Variants in TNIK observed in about 807,000 individuals in gnomAD.
TNIK encodes TRAF2 and NCK interacting kinase.
In TNIK, 49 loss-of-function variants were observed where a neutral mutation model predicts 191.3. That is an observed-to-expected ratio of 0.26 (90% CI 0.20 to 0.32). TNIK has a LOEUF of 0.32. Ranked by LOEUF, TNIK falls within the 10% of genes least tolerant of loss-of-function variation. The pLI, the probability that TNIK is intolerant of heterozygous loss-of-function variation, is 1.00. For missense variants in TNIK, 1,155 were observed against 1,702.3 expected (o/e 0.68, Z 5.66); for synonymous variants, 594 against 600.9 (o/e 0.99, Z 0.17).
chr3:171,120,037 GA>G (rs1200713219), intron 18 of TNIK, among the ~76,000 whole-genome samples: 2 of 152,182 alleles, frequency 1.3e-5, no homozygotes, highest in African/African-American at 4.8e-5. Flanking sequence ...ATTTGGGGGA[GA>G]AGGAAGGATA....
intron 1 of TNIK, among the ~76,000 whole-genome samples, chr3:171,397,516 G>T (rs1173920635): frequency 6.6e-6 from 1 of 152,176 alleles, no homozygotes; most frequent in African/African-American, 2.4e-5. Context: ...ATGAAAACAT[G>T]CTGACTGCCC....
At chr3:171,231,776 T>G (rs1045219173) in intron 2 of TNIK, among the ~76,000 whole-genome samples, 2 of 152,110 alleles carry the variant, frequency 1.3e-5, no homozygotes, top group African/African-American at 2.4e-5. Context: ...AGAGGTAACT[T>G]TATAAAATCA....
intron 2 of TNIK, among the ~76,000 whole-genome samples, chr3:171,328,863 G>A (rs1258288636): frequency 6.6e-6 from 1 of 152,192 alleles, no homozygotes; most frequent in Non-Finnish European, 1.5e-5. Context: ...GCTGGTGGCT[G>A]TGGCAGGAAG....
chr3:171,117,911 A>G (rs1311572197), intron 18 of TNIK, among the ~76,000 whole-genome samples: 3 of 152,142 alleles, frequency 2.0e-5, no homozygotes, highest in African/African-American at 7.2e-5. Context: ...TGGAGGTTGC[A>G]GTGAGCCACG....
rs182866670 is a variant in TNIK at position 171,434,471 on chromosome 3, T to A, written c.57+25536A>T. 1.1e-3 allele frequency among the ~76,000 whole-genome samples: 162 copies of A among 150,782 alleles called. 2 individuals are homozygous for A. The East Asian group carries it at 0.017, about 16-fold the overall frequency. ...TATTTATTTATTTATTTATTTATTT[T>A]TTTTGAGACAAAGTCTTGCTCTGTT... On this transcript the variant is annotated intron_variant, in intron 1 of 32. Transcript: ENST00000436636.
chr3:171,346,410 T>C (rs1014317462), intron 2 of TNIK, among the ~76,000 whole-genome samples: 2 of 152,182 alleles, frequency 1.3e-5, no homozygotes, highest in African/African-American at 2.4e-5. Context: ...TATTTATTCA[T>C]ATACACCTTG....
intron 3 of TNIK, among the ~76,000 whole-genome samples, chr3:171,217,006 C>T (rs78281727): frequency 0.039 from 5,997 of 152,050 alleles, 131 homozygotes; most frequent in South Asian, 0.076. Flanking sequence ...TAAATTAATT[C>T]ATTCAAGAAT....
At chr3:171,227,217 G>A (rs888159928) in intron 3 of TNIK, among the ~76,000 whole-genome samples, 6 of 152,068 alleles carry the variant, frequency 3.9e-5, no homozygotes, top group African/African-American at 7.2e-5. Flanking sequence ...CAAAAGGATC[G>A]AAAACATTAG....
In TNIK at chr3:171,153,929, T is replaced by C. The variant is rs367667088; in HGVS notation, c.1221+3531A>G. Among the ~76,000 whole-genome samples the C allele has an allele frequency of 9.9e-5, 15 of 152,150 alleles. No homozygotes were observed. The East Asian group carries it at 2.7e-3, about 27-fold the overall frequency. On this transcript the variant is annotated intron_variant, in intron 12 of 32. Coordinates refer to ENST00000436636, the MANE Select transcript of TNIK (RefSeq NM_015028.4). ...AATGATTACTTGGCTGATTATTTGC[T>C]TAGTGCCTGTTTCCCTCACAGATCT...
chr3:171,261,830 T>C (rs879055319), intron 2 of TNIK, among the ~76,000 whole-genome samples: 3 of 152,014 alleles, frequency 2.0e-5, no homozygotes, highest in Admixed American at 2.0e-4. Context: ...ATTCAGAGAA[T>C]CAAACAGGAG....
intron 2 of TNIK, among the ~76,000 whole-genome samples, chr3:171,281,814 C>G (rs1750458845): frequency 6.6e-6 from 1 of 152,098 alleles, no homozygotes; most frequent in Non-Finnish European, 1.5e-5. Context: ...ATAAATTTTC[C>G]CAACCATTTG....
At chr3:171,109,407 C>G (rs924246692) in intron 19 of TNIK, among the ~76,000 whole-genome samples, 4 of 152,206 alleles carry the variant, frequency 2.6e-5, no homozygotes, top group Non-Finnish European at 5.9e-5. Context: ...TGCCACTAAT[C>G]AGAAGAATGC....
chr3:171,305,784 G>A (rs7646999), intron 2 of TNIK, among the ~76,000 whole-genome samples: 54,628 of 152,030 alleles, frequency 0.36, 10,430 homozygotes, highest in Non-Finnish European at 0.42. Context: ...AATTAGTTCA[G>A]CCATTGTGGA....
chr3:171,290,652 T>A (rs1751583004), intron 2 of TNIK, among the ~76,000 whole-genome samples: 1 of 152,228 alleles, frequency 6.6e-6, no homozygotes, highest in African/African-American at 2.4e-5. Flanking sequence ...CAGAATCTTA[T>A]CTTTAAGAAA....
intron 7 of TNIK, among the ~76,000 whole-genome samples, chr3:171,185,341 C>T (rs1189105679): frequency 6.6e-6 from 1 of 152,010 alleles, no homozygotes; most frequent in African/African-American, 2.4e-5. Context: ...AAATGCTTAG[C>T]AGATCCCATC....
At chr3:171,349,481 T>C (rs536195936) in intron 2 of TNIK, among the ~76,000 whole-genome samples, 3 of 152,276 alleles carry the variant, frequency 2.0e-5, no homozygotes, top group South Asian at 4.1e-4. Context: ...CCAGCTGGGA[T>C]AATTTTACAA....
chr3:171,378,168 T>C (rs1577694469), intron 1 of TNIK, among the ~76,000 whole-genome samples: 1 of 152,364 alleles, frequency 6.6e-6, no homozygotes, highest in East Asian at 1.9e-4. Flanking sequence ...CTCAGATTTC[T>C]ATCTAAAGCT....
intron 2 of TNIK, among the ~76,000 whole-genome samples, chr3:171,327,928 A>AAAAAAAAAAAAAAC (rs1560433753): frequency 7.7e-5 from 10 of 129,466 alleles, no homozygotes; most frequent in African/African-American, 3.2e-4. Context: ...AAAAAAAAAA[A>AAAAAAAAAAAAAAC]AAATCACTTG....
intron 2 of TNIK, among the ~76,000 whole-genome samples, chr3:171,352,272 CA>C (rs1243139568): frequency 6.6e-6 from 1 of 152,188 alleles, no homozygotes; most frequent in Non-Finnish European, 1.5e-5. Context: ...TCCATATCTT[CA>C]TGTGGCATTA....
Sources: gnomAD v4.1 joint callset for allele counts (sites outside exome capture counted in the v4.1 genomes callset) on GRCh38, gnomAD v4.1.1 for gene constraint, MANE v1.5 for transcripts, NCBI Gene and HGNC (gene_info 2026-07-23, HGNC 2026-07-21) for gene names.